The following FGF12 variants were observed in gnomAD, a reference collection of about 807,000 sequenced individuals.
FGF12 encodes the protein fibroblast growth factor 12.
Under a neutral mutation model 23.6 loss-of-function variants are expected in FGF12, and 14 were observed. The ratio of observed to expected loss-of-function variants is 0.59; its 90% CI spans 0.39 to 0.93. The LOEUF is 0.93. FGF12 is among the 40% of genes least tolerant of loss of function. The pLI, the probability that FGF12 is intolerant of heterozygous loss-of-function variation, is 0.00. For synonymous variants in FGF12, 62 were observed against 77.3 expected (o/e 0.80, Z 1.04); for missense variants, 175 against 217.8 (o/e 0.80, Z 1.24).
intron 2 of FGF12, among the ~76,000 whole-genome samples, chr3:192,669,164 T>C (rs1319882063): frequency 6.6e-6 from 1 of 152,130 alleles, no homozygotes; most frequent in Admixed American, 6.5e-5. Context: ...GAATATTGTA[T>C]TAGTGAAATG....
intron 2 of FGF12, among the ~76,000 whole-genome samples, chr3:192,599,492 T>C (rs1714019315): frequency 6.6e-6 from 1 of 152,048 alleles, no homozygotes; most frequent in Non-Finnish European, 1.5e-5. Flanking sequence ...ATAATGCACT[T>C]AGAATGTATA....
Position 192,408,609 on chromosome 3 carries a change from C to G in FGF12, c.14-48071G>C. 9.5e-7 allele frequency: 1 copy of G among 1,048,472 alleles called. No homozygotes were observed. The highest frequency in any genetic ancestry group is 1.1e-6 in the Non-Finnish European group (1 of 870,436). 64.9% of individuals were successfully genotyped at this position (1,048,472 alleles called of 1,614,324 possible). ...CCAAGTGGAAGGGGAAGAACGATGC[C>G]CAAAATAACAAGACGTGCCTCTGTT... On this transcript the variant is annotated intron_variant, in intron 2 of 5. Coordinates refer to ENST00000445105, the MANE Select transcript of FGF12 (RefSeq NM_004113.6). This position sits in a 1 kb window ranked among gnomAD's most constrained non-coding sequence, Gnocchi z 7.3.
At chr3:192,697,134 A>G (rs962521221) in intron 2 of FGF12, among the ~76,000 whole-genome samples, 2 of 151,664 alleles carry the variant, frequency 1.3e-5, no homozygotes, top group African/African-American at 4.9e-5. Flanking sequence ...TGGGATCAGC[A>G]TTTTCCAGAA....
Position 192,467,561 on chromosome 3 carries a change from A to C in FGF12, c.14-107023T>G, listed in dbSNP as rs143110042. Among the ~76,000 whole-genome samples the C allele has an allele frequency of 3.8e-3, 576 of 152,340 alleles. 2 individuals carry two copies. Among genetic ancestry groups the C allele is most frequent in the African/African-American group, 0.013 (550 of 41,582 alleles). On this transcript the variant is annotated intron_variant, in intron 2 of 5. Coordinates refer to ENST00000445105, the MANE Select transcript of FGF12 (RefSeq NM_004113.6). The stretch of plus-strand genomic sequence containing the variant: ...TTATATGGAATTACCATAATTAAGA[A>C]AGAAATATTCACAGGTTGGCTGCCT...
rs948044556 is a variant in FGF12 at position 192,229,167 on chromosome 3, T to TAAA, written c.229-58514_229-58512dup. On this transcript the variant is annotated intron_variant, in intron 4 of 5. Transcript: ENST00000445105. ...TTATGGATCTAAGTGAATAAAATTT[T>TAAA]AAAAAAAAAAACCTGAGTTCTTGGA... Among the ~76,000 whole-genome samples, 1,260 of 148,508 alleles carry TAAA rather than the reference T, an allele frequency of 8.5e-3. 14 individuals carry two copies. Among genetic ancestry groups the TAAA allele is most frequent in the African/African-American group, 0.029 (1,174 of 40,272 alleles).
intron 4 of FGF12, among the ~76,000 whole-genome samples, chr3:192,182,270 T>A (rs1439448929): frequency 2.0e-5 from 3 of 152,128 alleles, no homozygotes; most frequent in Non-Finnish European, 4.4e-5. Context: ...TCTACATGTA[T>A]TATTACTTCA....
chr3:192,610,198 C>T (rs779266733), intron 2 of FGF12, among the ~76,000 whole-genome samples: 2 of 151,980 alleles, frequency 1.3e-5, no homozygotes, highest in Non-Finnish European at 1.5e-5. Context: ...TATTTCCACC[C>T]GCTGCTGGGT....
intron 4 of FGF12, among the ~76,000 whole-genome samples, chr3:192,285,773 A>C (rs1387737694): frequency 6.6e-6 from 1 of 152,098 alleles, no homozygotes; most frequent in East Asian, 1.9e-4. Context: ...AAGTAAAAGA[A>C]ATAACATCCT....
At chr3:192,270,118 C>T (rs952114356) in intron 4 of FGF12, among the ~76,000 whole-genome samples, 8 of 151,998 alleles carry the variant, frequency 5.3e-5, no homozygotes, top group Admixed American at 4.6e-4. Flanking sequence ...AGCGGTTTTT[C>T]AGTAGAAATC....
intron 5 of FGF12, among the ~76,000 whole-genome samples, chr3:192,144,944 A>G (rs1369950743): frequency 1.3e-5 from 2 of 152,270 alleles, no homozygotes; most frequent in Non-Finnish European, 1.5e-5. Context: ...ATAAGAGTAT[A>G]TGATATGTCT....
At chr3:192,656,535 C>G (rs1002400626) in intron 2 of FGF12, among the ~76,000 whole-genome samples, 23 of 152,236 alleles carry the variant, frequency 1.5e-4, no homozygotes, top group African/African-American at 5.3e-4. Context: ...ATTGTTATAA[C>G]TGGGGTGGGA....
At chr3:192,432,468 C>G (rs1721886655) in intron 2 of FGF12, among the ~76,000 whole-genome samples, 1 of 152,000 alleles carries the variant, frequency 6.6e-6, no homozygotes, top group South Asian at 2.1e-4. Flanking sequence ...AGATATCACT[C>G]TCTGGATTGT....
intron 2 of FGF12, among the ~76,000 whole-genome samples, chr3:192,448,028 C>T (rs1722410695): frequency 6.6e-6 from 1 of 152,116 alleles, no homozygotes; most frequent in South Asian, 2.1e-4. Flanking sequence ...TTCATCCAAG[C>T]TTTTGTATAA....
At chr3:192,726,132 C>G (rs76833536) in intron 2 of FGF12, among the ~76,000 whole-genome samples, 5,547 of 152,274 alleles carry the variant, frequency 0.036, 317 homozygotes, top group African/African-American at 0.12. Flanking sequence ...TTAATCAGCC[C>G]AGAAATAGGT....
chr3:192,588,064 GGC>G (rs1713444195), intron 2 of FGF12, among the ~76,000 whole-genome samples: 1 of 151,650 alleles, frequency 6.6e-6, no homozygotes, highest in South Asian at 2.1e-4. Context: ...TAAGAATCCA[GGC>G]CGGGCGCAGC....
chr3:192,507,521 A>C (rs1303205615), intron 2 of FGF12, among the ~76,000 whole-genome samples: 1 of 152,176 alleles, frequency 6.6e-6, no homozygotes, highest in South Asian at 2.1e-4. Flanking sequence ...AACTGTAAGG[A>C]GGAATGCTAT....
At chr3:192,204,012 T>C (rs530936309) in intron 4 of FGF12, among the ~76,000 whole-genome samples, 3 of 152,152 alleles carry the variant, frequency 2.0e-5, no homozygotes, top group African/African-American at 7.2e-5. Context: ...AAAGAATTTG[T>C]CGTTAAAAAA....
chr3:192,423,079 C>G (rs1721581330), intron 2 of FGF12, among the ~76,000 whole-genome samples: 2 of 152,068 alleles, frequency 1.3e-5, no homozygotes, highest in Admixed American at 1.3e-4. Flanking sequence ...CTAACTGAGC[C>G]CTGTAATAGC....
chr3:192,502,463 C>T (rs1436594690), intron 2 of FGF12, among the ~76,000 whole-genome samples: 2 of 152,186 alleles, frequency 1.3e-5, no homozygotes, highest in Non-Finnish European at 2.9e-5. Context: ...CGTTGTATAA[C>T]AGATAATGGA....
Sources: gnomAD v4.1 joint callset for allele counts (sites outside exome capture counted in the v4.1 genomes callset) on GRCh38, gnomAD v4.1.1 for gene constraint, Gnocchi (gnomAD v3.1) non-coding constraint, MANE v1.5 for transcripts, NCBI Gene and HGNC (gene_info 2026-07-23, HGNC 2026-07-21) for gene names.